Variants in PCDH11Y observed in about 807,000 individuals in gnomAD.
The protein encoded by PCDH11Y is protocadherin-11 Y-linked.
For synonymous variants in PCDH11Y, 9 were observed against 83.6 expected (o/e 0.11, Z 4.87); for missense variants, 12 against 224.8 (o/e 0.05, Z 6.05).
At chrY:5,650,538 A>G in intron 4 of PCDH11Y, among the ~76,000 whole-genome samples, 1 of 33,436 alleles carries the variant, frequency 3.0e-5, no homozygotes, top group Admixed American at 2.8e-4. Context: ...TTTAGATGTC[A>G]AAGTTATTAG....
At chrY:5,254,164 A>G (rs2053007368) in intron 2 of PCDH11Y, among the ~76,000 whole-genome samples, 1 of 33,757 alleles carries the variant, frequency 3.0e-5, no homozygotes, top group Non-Finnish European at 7.3e-5. Context: ...TAGTTTACCA[A>G]TATAATCCTA....
chrY:5,328,689 T>G (rs2053125635), intron 2 of PCDH11Y, among the ~76,000 whole-genome samples: 1 of 32,157 alleles, frequency 3.1e-5, no homozygotes, highest in African/African-American at 1.2e-4. Flanking sequence ...AAGAATAAAT[T>G]GCTGGCAGGT....
intron 2 of PCDH11Y, among the ~76,000 whole-genome samples, chrY:5,249,707 C>A (rs2053001623): frequency 3.1e-5 from 1 of 32,335 alleles, no homozygotes; most frequent in Non-Finnish European, 7.6e-5. Context: ...TCTAATTAAG[C>A]TAAAGAGCTT....
At chrY:5,045,893 G>A in intron 3 of PCDH11Y, among the ~76,000 whole-genome samples, 1 of 32,944 alleles carries the variant, frequency 3.0e-5, no homozygotes, top group Non-Finnish European at 7.5e-5. Flanking sequence ...CTTTCTTCCA[G>A]TTGATCGCAT....
chrY:5,101,521 A>G, downstream of PCDH11Y: 1 of 36,463 alleles, frequency 2.7e-5, no homozygotes, highest in African/African-American at 1.1e-4. Context: ...AAGACCCAAG[A>G]AATCTGTGCA....
intron 1 of PCDH11Y, among the ~76,000 whole-genome samples, chrY:5,069,814 A>G: frequency 1.2e-4 from 4 of 32,378 alleles, no homozygotes; most frequent in African/African-American, 4.9e-4. Context: ...AAATATTTAG[A>G]ACAGCTTATA....
chrY:5,215,377 C>T, intron 2 of PCDH11Y, among the ~76,000 whole-genome samples: 1 of 32,227 alleles, frequency 3.1e-5, no homozygotes, highest in Admixed American at 2.9e-4. Context: ...CTACTCACTA[C>T]GTGGCCTCCC....
intron 1 of PCDH11Y, among the ~76,000 whole-genome samples, chrY:5,061,397 CT>C (rs2052675204): frequency 3.0e-5 from 1 of 33,039 alleles, no homozygotes; most frequent in Non-Finnish European, 7.4e-5. Flanking sequence ...TCACAGATCT[CT>C]TTAACTTTCA....
chrY:5,716,369 A>G, intron 4 of PCDH11Y, among the ~76,000 whole-genome samples: 1 of 31,991 alleles, frequency 3.1e-5, no homozygotes, highest in African/African-American at 1.2e-4. Context: ...TAGAACTGAT[A>G]AAAAAAATTA....
At chrY:5,253,734 G>A in intron 2 of PCDH11Y, among the ~76,000 whole-genome samples, 5 of 33,524 alleles carry the variant, frequency 1.5e-4, no homozygotes, top group Admixed American at 8.3e-4. Flanking sequence ...ACAGGACAGG[G>A]ACAACTGCTG....
At chrY:5,254,324 G>C in intron 2 of PCDH11Y, among the ~76,000 whole-genome samples, 1 of 33,229 alleles carries the variant, frequency 3.0e-5, no homozygotes, top group Non-Finnish European at 7.4e-5. Context: ...AAGCTTTTTG[G>C]ATTTTAGAAA....
intron 1 of PCDH11Y, among the ~76,000 whole-genome samples, chrY:5,061,289 A>G: frequency 6.0e-5 from 2 of 33,135 alleles, no homozygotes; most frequent in Admixed American, 2.8e-4. Context: ...TCATACTGCA[A>G]TGCTAATTCC....
Position 5,335,444 on chromosome Y carries a change from T to C in PCDH11Y, c.3130-165613T>C. Among the ~76,000 whole-genome samples, 4 of 32,967 alleles carry C rather than the reference T, an allele frequency of 1.2e-4. No individual in the cohort carries two copies. In the South Asian group the frequency reaches 2.7e-3, roughly 22 times the overall value. The allele number at this position is 32,967 out of a possible 37,273, so 88.4% of individuals were successfully genotyped here. A position where few individuals can be genotyped will look rare whatever the true frequency, so the allele number is the denominator to read the frequency against. On this transcript the variant is annotated intron_variant, in intron 2 of 4. Transcript: ENST00000400457. The stretch of plus-strand genomic sequence containing the variant: ...CAAATATCCCTTTCTGGCTCTCCTT[T>C]GTTTTCTTAGAGGAACCAGGACATG...
intron 3 of PCDH11Y, chrY:5,574,155 G>A: frequency 4.3e-6 from 1 of 233,809 alleles, no homozygotes; most frequent in Non-Finnish European, 7.0e-6. Context: ...GCAGCTCATC[G>A]GGATCCTGCT....
chrY:5,270,422 G>A (rs2053033708), intron 2 of PCDH11Y, among the ~76,000 whole-genome samples: 3 of 27,862 alleles, frequency 1.1e-4, no homozygotes, highest in Non-Finnish European at 2.5e-4. Flanking sequence ...CAGGAGGATC[G>A]CTTGAACCTG....
intron 2 of PCDH11Y, among the ~76,000 whole-genome samples, chrY:5,428,630 C>G (rs2124680295): frequency 4.2e-4 from 14 of 33,410 alleles, no homozygotes; most frequent in African/African-American, 1.6e-3. Flanking sequence ...ATAGTAAATA[C>G]ATAAACTAGT....
At chrY:5,601,580 A>G (rs112824190) in intron 4 of PCDH11Y, among the ~76,000 whole-genome samples, 6,612 of 32,119 alleles carry the variant, frequency 0.21, no homozygotes, top group African/African-American at 0.67. Flanking sequence ...GTATCTTACA[A>G]ATATATACAA....
downstream of PCDH11Y, among the ~76,000 whole-genome samples, chrY:5,109,953 T>A: frequency 3.0e-5 from 1 of 33,720 alleles, no homozygotes; most frequent in Non-Finnish European, 7.3e-5. Flanking sequence ...GTGAAAAAAA[T>A]CACAAATCAC....
intron 3 of PCDH11Y, among the ~76,000 whole-genome samples, chrY:5,537,370 T>C: frequency 3.2e-5 from 1 of 30,867 alleles, no homozygotes; most frequent in Admixed American, 3.0e-4. Flanking sequence ...TGGATAATGC[T>C]GATTTTTTTC....
Sources: gnomAD v4.1 joint callset for allele counts (sites outside exome capture counted in the v4.1 genomes callset) on GRCh38, gnomAD v4.1.1 for gene constraint, MANE v1.5 for transcripts, NCBI Gene and HGNC (gene_info 2026-07-23, HGNC 2026-07-21) for gene names.